The following TTC27 variants were observed in gnomAD, a reference collection of about 807,000 sequenced individuals.
TTC27 encodes the protein tetratricopeptide repeat domain 27.
Under a neutral mutation model 115.9 loss-of-function variants are expected in TTC27, and 79 were observed. That is an observed-to-expected ratio of 0.68 (90% confidence interval 0.57 to 0.82). The LOEUF is 0.82. Ranked by LOEUF, TTC27 falls within the 40% of genes least tolerant of loss-of-function variation. The pLI is 0.00. For synonymous variants in TTC27, 401 were observed against 356.0 expected (o/e 1.13, Z -1.42); for missense variants, 1,054 against 993.1 (o/e 1.06, Z -0.82).
chr2:32,724,969 C>T (rs910665966), intron 10 of TTC27, among the ~76,000 whole-genome samples: 1 of 152,168 alleles, frequency 6.6e-6, no homozygotes, highest in Non-Finnish European at 1.5e-5. Context: ...ACGTGGATGG[C>T]AGCAGACAAA....
intron 13 of TTC27, 124 bp downstream of exon 13, chr2:32,758,643 CT>C: frequency 1.1e-6 from 1 of 882,314 alleles, no homozygotes; most frequent in Non-Finnish European, 1.7e-6. Flanking sequence ...CAGCTAAGAA[CT>C]TAGTCTCTAA....
chr2:32,708,678 T>TTTGTTG (rs4019331), intron 10 of TTC27, among the ~76,000 whole-genome samples: 27,933 of 150,594 alleles, frequency 0.19, 3,248 homozygotes, highest in South Asian at 0.41. Flanking sequence ...CCCACCTTAC[T>TTTGTTG]TTGTTGTTGT....
At chr2:32,663,986 C>G (rs566640520) in intron 5 of TTC27, among the ~76,000 whole-genome samples, 1 of 146,206 alleles carries the variant, frequency 6.8e-6, no homozygotes, top group Non-Finnish European at 1.5e-5. Context: ...CCCGTCCCCC[C>G]ACTATTTTTT....
At chr2:32,744,776 C>T (rs561628303) in intron 12 of TTC27, among the ~76,000 whole-genome samples, 1 of 152,226 alleles carries the variant, frequency 6.6e-6, no homozygotes, top group East Asian at 1.9e-4. Context: ...CATGGCCGGG[C>T]GTGGTGGCTC....
intron 16 of TTC27, among the ~76,000 whole-genome samples, chr2:32,793,420 G>T (rs1670600847): frequency 6.6e-6 from 1 of 152,144 alleles, no homozygotes; most frequent in African/African-American, 2.4e-5. Context: ...AGGGTGAAAA[G>T]AAAGGACACT....
intron 19 of TTC27, 105 bp from the exon 20 acceptor site, chr2:32,820,711 T>C: frequency 1.9e-6 from 2 of 1,028,186 alleles, no homozygotes; most frequent in South Asian, 6.4e-5. Flanking sequence ...TATAATTGTA[T>C]AGTATTATTA....
intron 12 of TTC27, among the ~76,000 whole-genome samples, chr2:32,746,861 T>C (rs568983486): frequency 6.6e-6 from 1 of 152,274 alleles, no homozygotes; most frequent in Admixed American, 6.5e-5. Context: ...TATGACTAGC[T>C]GAAGAAAGGA....
At chr2:32,669,794 G>A (rs993116898) in intron 7 of TTC27, among the ~76,000 whole-genome samples, 3 of 148,826 alleles carry the variant, frequency 2.0e-5, no homozygotes, top group African/African-American at 7.4e-5. Context: ...GCTGAGGCAG[G>A]AGAATCGCCT....
intron 12 of TTC27, among the ~76,000 whole-genome samples, chr2:32,739,462 T>C (rs1226522646): frequency 1.3e-5 from 2 of 152,134 alleles, no homozygotes; most frequent in Non-Finnish European, 2.9e-5. Flanking sequence ...TCCCCCTAAG[T>C]AGTTGTGATG....
chr2:32,631,266 G>A (rs774016072), intron 2 of TTC27, among the ~76,000 whole-genome samples: 3 of 152,106 alleles, frequency 2.0e-5, no homozygotes, highest in African/African-American at 7.2e-5. Context: ...TCCCGCCATT[G>A]CACTCTAGCC....
chr2:32,682,556 G>A (rs1019733746), intron 9 of TTC27, among the ~76,000 whole-genome samples: 4 of 152,230 alleles, frequency 2.6e-5, no homozygotes, highest in Non-Finnish European at 5.9e-5. Flanking sequence ...TTCTTGCTGC[G>A]CATCCATTTC....
chr2:32,764,399 A>C (rs1030403980), intron 13 of TTC27, among the ~76,000 whole-genome samples: 1 of 152,240 alleles, frequency 6.6e-6, no homozygotes, highest in Non-Finnish European at 1.5e-5. Flanking sequence ...TGTCTAAAAA[A>C]AAACAAACAA....
chr2:32,757,951 C>T (rs909669932), intron 12 of TTC27, among the ~76,000 whole-genome samples: 2 of 152,224 alleles, frequency 1.3e-5, no homozygotes, highest in East Asian at 1.9e-4. Context: ...ATCCACCCAC[C>T]TCAGCTTCCC....
intron 8 of TTC27, among the ~76,000 whole-genome samples, chr2:32,677,708 C>A (rs1337178341): frequency 1.3e-5 from 2 of 152,188 alleles, no homozygotes; most frequent in African/African-American, 4.8e-5. Flanking sequence ...CTGCCTCAGC[C>A]TCCCAAAGTG....
chr2:32,705,361 G>A (rs1171814632), intron 10 of TTC27, among the ~76,000 whole-genome samples: 1 of 152,100 alleles, frequency 6.6e-6, no homozygotes, highest in Non-Finnish European at 1.5e-5. Flanking sequence ...CAAGCCTCAG[G>A]TATTCCTTTA....
intron 12 of TTC27, among the ~76,000 whole-genome samples, chr2:32,742,831 G>T (rs911218115): frequency 8.5e-5 from 13 of 152,142 alleles, no homozygotes; most frequent in Non-Finnish European, 1.8e-4. Flanking sequence ...CTGCTTCAAG[G>T]TAGAAGGCTA....
rs142030247 is a variant in TTC27, at chr2:32,682,844, G to GTTTTTTTTTTTTT, written c.1119+3924_1119+3925insTTTTTTTTTTTTT. 5.5e-3 allele frequency among the ~76,000 whole-genome samples: 313 copies of GTTTTTTTTTTTTT among 56,952 alleles called. 82 individuals are homozygous for GTTTTTTTTTTTTT. The highest frequency in any genetic ancestry group is 9.2e-3 in the African/African-American group (122 of 13,284). The allele number at this position is 56,952 out of a possible 152,430, so 37.4% of individuals were successfully genotyped here. A position where few individuals can be genotyped will look rare whatever the true frequency, so the allele number is the denominator to read the frequency against. On this transcript the variant is annotated intron_variant, in intron 9 of 19. Coordinates refer to ENST00000317907, the MANE Select transcript of TTC27 (RefSeq NM_017735.5). ...CCACCACACCCGGATAATTTTTATT[G>GTTTTTTTTTTTTT]TTGTTTTTTTTTTTTTTTTTTTTTT...
At chr2:32,803,688 G>T (rs1671035747) in intron 16 of TTC27, among the ~76,000 whole-genome samples, 1 of 152,052 alleles carries the variant, frequency 6.6e-6, no homozygotes, top group Admixed American at 6.6e-5. Flanking sequence ...ACTTCACGTT[G>T]GGGAAAAATG....
chr2:32,754,388 C>T (rs1380056685), intron 12 of TTC27, among the ~76,000 whole-genome samples: 1 of 149,294 alleles, frequency 6.7e-6, no homozygotes, highest in Admixed American at 6.7e-5. Flanking sequence ...TAACAAAGCA[C>T]ATCTTGCACC....
Sources: allele counts gnomAD v4.1 joint callset (sites outside exome capture counted in the v4.1 genomes callset), GRCh38; gene constraint gnomAD v4.1.1; transcripts MANE v1.5; gene names NCBI Gene and HGNC (gene_info 2026-07-23, HGNC 2026-07-21).